CADM1: variants seen among roughly 807,000 people sequenced by gnomAD.
CADM1 encodes the protein cell adhesion molecule 1, also known as TSLC-1.
A neutral mutation model predicts 53.1 loss-of-function variants in CADM1; 15 were observed. The observed-to-expected ratio is 0.28, with a 90% CI of 0.19 to 0.44. The LOEUF (loss-of-function observed/expected upper bound fraction) is 0.44. CADM1 is among the 20% of genes least tolerant of loss of function. CADM1 has a pLI of 1.00. For missense variants in CADM1, 434 were observed against 611.3 expected, an observed-to-expected ratio of 0.71 and a Z score of 3.06; for synonymous variants, 281 against 243.0, an observed-to-expected ratio of 1.16 and a Z score of -1.45.
intron 1 of CADM1, among the ~76,000 whole-genome samples, chr11:115,326,619 G>A (rs181054026): frequency 2.6e-4 from 40 of 152,192 alleles, no homozygotes; most frequent in Non-Finnish European, 3.5e-4. Flanking sequence ...TTTCCATCTA[G>A]AATACAAATT....
chr11:115,219,017 C>T (rs1464491734), intron 5 of CADM1, among the ~76,000 whole-genome samples: 5 of 152,054 alleles, frequency 3.3e-5, no homozygotes, highest in Non-Finnish European at 7.4e-5. Context: ...ATCCCTAAAT[C>T]GGTTTTCTCA....
chr11:115,203,127 A>G (rs1481651550), intron 8 of CADM1, among the ~76,000 whole-genome samples: 1 of 151,832 alleles, frequency 6.6e-6, no homozygotes, highest in African/African-American at 2.4e-5. Flanking sequence ...GTGCTACAGA[A>G]CAGCAGCAAC....
At chr11:115,402,072 T>C (rs1030967720) in intron 1 of CADM1, among the ~76,000 whole-genome samples, 1 of 151,918 alleles carries the variant, frequency 6.6e-6, no homozygotes, top group Non-Finnish European at 1.5e-5. Context: ...CCAGAAATAA[T>C]AAAAAATAAC....
chr11:115,274,341 G>A (rs1943385476), intron 1 of CADM1, among the ~76,000 whole-genome samples: 1 of 152,252 alleles, frequency 6.6e-6, no homozygotes, highest in East Asian at 1.9e-4. Flanking sequence ...CCCGCACACT[G>A]TGTTAACAGT....
At chr11:115,401,987 C>A (rs1947169376) in intron 1 of CADM1, among the ~76,000 whole-genome samples, 1 of 151,690 alleles carries the variant, frequency 6.6e-6, no homozygotes, top group African/African-American at 2.4e-5. Context: ...AAGCCCAACA[C>A]CCCCACAAAA....
chr11:115,250,150 G>A (rs1284756654), intron 1 of CADM1, among the ~76,000 whole-genome samples: 1 of 152,130 alleles, frequency 6.6e-6, no homozygotes, highest in Non-Finnish European at 1.5e-5. Context: ...TGATCTGCCT[G>A]CCTCAGCCTC....
intron 1 of CADM1, chr11:115,240,915 A>G (rs1219504386): frequency 1.7e-5 from 3 of 178,530 alleles, no homozygotes; most frequent in African/African-American, 7.1e-5. Flanking sequence ...GACAGTCCCA[A>G]TGTATAGGCA....
rs573952176 is a variant in CADM1, at chr11:115,353,627, G to A, written c.125-113207C>T. ...CAGAAACTAGTAAGATTCCCAGACT[G>A]AGATAGAATACGCAGAGAAGTTGAA... On this transcript the variant is annotated intron_variant, in intron 1 of 11. Transcript: ENST00000331581. Among the ~76,000 whole-genome samples the A allele has an allele frequency of 3.3e-5, 5 of 152,238 alleles. No homozygotes were observed. In the East Asian group the frequency reaches 7.7e-4, roughly 24 times the overall value.
At chr11:115,196,962 A>C (rs897165691) in intron 9 of CADM1, among the ~76,000 whole-genome samples, 5 of 152,212 alleles carry the variant, frequency 3.3e-5, no homozygotes, top group African/African-American at 9.6e-5. Context: ...GCATTACCTT[A>C]GAAAGTGGAA....
chr11:115,363,072 CAGATCA>C (rs1301424989), intron 1 of CADM1, among the ~76,000 whole-genome samples: 2 of 152,148 alleles, frequency 1.3e-5, no homozygotes, highest in African/African-American at 4.8e-5. Context: ...TCACCCAATC[CAGATCA>C]ATCTTCCATT....
intron 1 of CADM1, among the ~76,000 whole-genome samples, chr11:115,325,026 G>A (rs911564449): frequency 6.6e-6 from 1 of 152,146 alleles, no homozygotes; most frequent in African/African-American, 2.4e-5. Flanking sequence ...GCTCAACCGT[G>A]CCTATCACGT....
chr11:115,181,452 T>C (rs1939308572), intron 10 of CADM1, among the ~76,000 whole-genome samples: 1 of 152,188 alleles, frequency 6.6e-6, no homozygotes, highest in African/African-American at 2.4e-5. Flanking sequence ...ATAAGGGTAA[T>C]CTCTCCAGCT....
rs1555057726 is a variant in CADM1 at position 115,295,516 on chromosome 11, A to ATATG, written c.125-55097_125-55096insCATA. Among the ~76,000 whole-genome samples, 268 of 52,878 alleles carry ATATG rather than the reference A, an allele frequency of 5.1e-3. 1 individual carries two copies. The highest frequency in any genetic ancestry group is 6.4e-3 in the Non-Finnish European group (214 of 33,322). 34.7% of individuals were successfully genotyped at this position (52,878 alleles called of 152,430 possible). A position where few individuals can be genotyped will look rare whatever the true frequency, so the allele number is the denominator to read the frequency against. On this transcript the variant is annotated intron_variant, in intron 1 of 11. Coordinates refer to ENST00000331581, the MANE Select transcript of CADM1 (RefSeq NM_001301043.2). Reference sequence around the variant, plus strand: ...TTTGATCAAGATATTTTATATATATATATATATATATATATATATATATAT... The same window carrying ATATG: ...TTTGATCAAGATATTTTATATATATATATGTATATATATATATATATATATATAT...
rs936337062 is a variant in CADM1 at position 115,176,268 on chromosome 11, C to T, written c.*206G>A. ...AATAAAAATTAAACAAACAAACAAACGAAAAAAGAGGTGTCAAACAGCAGA... is the reference window on the plus strand; with the variant it reads ...AATAAAAATTAAACAAACAAACAAATGAAAAAAGAGGTGTCAAACAGCAGA... On this transcript the variant is annotated 3_prime_UTR_variant, in exon 12 of 12. Transcript: ENST00000331581. 3.9e-5 allele frequency: 53 copies of T among 1,347,310 alleles called. No homozygotes were observed. The highest frequency in any genetic ancestry group is 2.9e-4 in the East Asian group (9 of 31,412). 83.5% of individuals were successfully genotyped at this position (1,347,310 alleles called of 1,614,324 possible).
intron 2 of CADM1, 116 bp from the exon 3 acceptor site, chr11:115,238,768 G>T (rs1942102332): frequency 2.8e-6 from 3 of 1,075,734 alleles, no homozygotes; most frequent in Admixed American, 3.7e-5. Flanking sequence ...TATTTTGGGT[G>T]TTTGCAGTAA....
At chr11:115,498,572 A>G (rs965322914) in intron 1 of CADM1, among the ~76,000 whole-genome samples, 1 of 152,214 alleles carries the variant, frequency 6.6e-6, no homozygotes, top group African/African-American at 2.4e-5. Context: ...TTGCACAACA[A>G]TAAAACTCAT....
At chr11:115,238,835 T>C (rs1219896423) in intron 2 of CADM1, among the ~76,000 whole-genome samples, 183 bp from the exon 3 acceptor site, 1 of 152,082 alleles carries the variant, frequency 6.6e-6, no homozygotes, top group Non-Finnish European at 1.5e-5. Context: ...AGTGTATGTG[T>C]GAGTGTGTGT....
At chr11:115,415,179 G>A (rs1947561799) in intron 1 of CADM1, among the ~76,000 whole-genome samples, 1 of 152,174 alleles carries the variant, frequency 6.6e-6, no homozygotes, top group Non-Finnish European at 1.5e-5. Context: ...CCTGGAAAGT[G>A]AACTATTCCC....
intron 3 of CADM1, among the ~76,000 whole-genome samples, chr11:115,233,219 T>G (rs1210551354): frequency 2.0e-5 from 3 of 152,208 alleles, no homozygotes; most frequent in African/African-American, 4.8e-5. Context: ...AAAACAACAT[T>G]GCTCAAATGG....
Sources: allele counts gnomAD v4.1 joint callset (sites outside exome capture counted in the v4.1 genomes callset), GRCh38; gene constraint gnomAD v4.1.1; transcripts MANE v1.5; gene names NCBI Gene and HGNC (gene_info 2026-07-23, HGNC 2026-07-21).